Variants in ARMC3 observed in about 807,000 individuals in gnomAD.
ARMC3 encodes armadillo repeat-containing protein 3.
Under a neutral mutation model 90.3 loss-of-function variants are expected in ARMC3, and 74 were observed. The ratio of observed to expected loss-of-function variants is 0.82; its 90% confidence interval spans 0.68 to 0.99. The LOEUF is 0.99. Ranked by LOEUF, ARMC3 falls within the 50% of genes least tolerant of loss-of-function variation. The pLI, the probability that ARMC3 is intolerant of heterozygous loss-of-function variation, is 0.00. For synonymous variants in ARMC3, 334 were observed against 361.8 expected (o/e 0.92, Z 0.87); for missense variants, 958 against 1,042.8 (o/e 0.92, Z 1.12).
At chr10:22,991,398 C>A (rs181680135) in intron 10 of ARMC3, among the ~76,000 whole-genome samples, 28 of 152,230 alleles carry the variant, frequency 1.8e-4, no homozygotes, top group Admixed American at 1.7e-3. Context: ...TCATTTCACC[C>A]CAAAATACAG....
At chr10:22,980,926 T>G (rs12784160) in intron 8 of ARMC3, among the ~76,000 whole-genome samples, 2,052 of 152,322 alleles carry the variant, frequency 0.013, 19 homozygotes, top group Non-Finnish European at 0.02. Context: ...CTCACCAGTT[T>G]GCACATCTTA....
intron 10 of ARMC3, among the ~76,000 whole-genome samples, chr10:22,988,876 C>A (rs1028650606): frequency 6.6e-6 from 1 of 152,188 alleles, no homozygotes; most frequent in African/African-American, 2.4e-5. Flanking sequence ...TAGAGATAAT[C>A]CACAGTGATT....
intron 16 of ARMC3, among the ~76,000 whole-genome samples, chr10:23,022,295 T>C (rs1263536370): frequency 4.6e-5 from 7 of 152,232 alleles, no homozygotes; most frequent in Admixed American, 1.3e-4. Flanking sequence ...AAAAGCAACA[T>C]TTTTCTCTCT....
chr10:23,014,267 G>C, intron 16 of ARMC3: 1 of 1,478,380 alleles, frequency 6.8e-7, no homozygotes, highest in Middle Eastern at 1.8e-4. Flanking sequence ...TAAGAGGAGA[G>C]ATGGTGTCAG....
At chr10:22,986,354 C>T (rs1836438077) in intron 10 of ARMC3, among the ~76,000 whole-genome samples, 1 of 151,928 alleles carries the variant, frequency 6.6e-6, no homozygotes, top group South Asian at 2.1e-4. Flanking sequence ...GGGTTCGAGA[C>T]CAGCATGGCC....
chr10:22,975,155 G>A (rs1835863513), intron 8 of ARMC3, among the ~76,000 whole-genome samples: 1 of 152,116 alleles, frequency 6.6e-6, no homozygotes, highest in Admixed American at 6.5e-5. Flanking sequence ...ATAGTGATAT[G>A]CTTTGAGACC....
intron 14 of ARMC3, among the ~76,000 whole-genome samples, chr10:23,007,466 G>A (rs1837677701): frequency 6.6e-6 from 1 of 152,134 alleles, no homozygotes. Context: ...CCAACACTTT[G>A]GGAGCCGAGG....
intron 13 of ARMC3, among the ~76,000 whole-genome samples, chr10:23,005,584 G>T (rs1837561406): frequency 1.3e-5 from 2 of 152,198 alleles, no homozygotes; most frequent in African/African-American, 4.8e-5. Flanking sequence ...AGAGGCACTG[G>T]CTTGGTGCGG....
At chr10:23,009,023 G>T (rs554979708) in intron 16 of ARMC3, 92 bp downstream of exon 16, 3 of 998,584 alleles carry the variant, frequency 3.0e-6, no homozygotes, top group Non-Finnish European at 4.5e-6. Context: ...TGACATCAGG[G>T]TGTTGAACCA....
At chr10:22,979,712 G>A (rs1419777073) in intron 8 of ARMC3, among the ~76,000 whole-genome samples, 7 of 152,194 alleles carry the variant, frequency 4.6e-5, no homozygotes, top group African/African-American at 1.4e-4. Flanking sequence ...AATAAGAACC[G>A]TGTATATTTA....
chr10:22,973,945 A>G (rs899039377), intron 8 of ARMC3, among the ~76,000 whole-genome samples: 1 of 151,238 alleles, frequency 6.6e-6, no homozygotes, highest in African/African-American at 2.4e-5. Context: ...TTTTTAGTAA[A>G]GACGGGGTTT....
intron 14 of ARMC3, among the ~76,000 whole-genome samples, 157 bp downstream of exon 14, chr10:23,007,138 G>A (rs555657038): frequency 6.6e-6 from 1 of 152,214 alleles, no homozygotes; most frequent in Admixed American, 6.5e-5. Context: ...CTCATAGCCC[G>A]ACATGGAATA....
chr10:22,934,918 C>A (rs1834055759), intron 2 of ARMC3, among the ~76,000 whole-genome samples: 1 of 152,118 alleles, frequency 6.6e-6, no homozygotes, highest in Non-Finnish European at 1.5e-5. Flanking sequence ...GCATGGACGA[C>A]CAGCTGGCCA....
intron 17 of ARMC3, 122 bp downstream of exon 17, chr10:23,030,918 C>G: frequency 9.3e-7 from 1 of 1,073,658 alleles, no homozygotes; most frequent in South Asian, 1.9e-5. Flanking sequence ...CACTCTGACT[C>G]TGACACAGAA....
intron 16 of ARMC3, among the ~76,000 whole-genome samples, chr10:23,028,144 A>C (rs1272849064): frequency 3.9e-5 from 6 of 152,162 alleles, no homozygotes; most frequent in Admixed American, 3.9e-4. Flanking sequence ...CCCTGTCTCA[A>C]AAACAAACAA....
rs185251758 is a variant in ARMC3, at chr10:22,957,455, T to C, written c.292+1523T>C. ...GTGACTTTGAGAGCTCTGATGGTAGTTGTGCTGTAAGGCAGGGGCCTGGGA... is the reference window on the plus strand; with the variant it reads ...GTGACTTTGAGAGCTCTGATGGTAGCTGTGCTGTAAGGCAGGGGCCTGGGA... On this transcript the variant is annotated intron_variant, in intron 4 of 18. Coordinates refer to ENST00000298032, the MANE Select transcript of ARMC3 (RefSeq NM_173081.5). 1.1e-4 allele frequency among the ~76,000 whole-genome samples: 16 copies of C among 152,188 alleles called. No individual in the cohort carries two copies. In the East Asian group the frequency reaches 1.7e-3, roughly 17 times the overall value.
At position 22,999,871 on chromosome 10, in the gene ARMC3, G is replaced by A. The variant is rs193191580; in HGVS notation, c.1425+1474G>A. 2.4e-3 allele frequency among the ~76,000 whole-genome samples: 370 copies of A among 152,182 alleles called. 4 individuals are homozygous for A. The highest frequency in any genetic ancestry group is 7.9e-3 in the African/African-American group (326 of 41,512). The stretch of plus-strand genomic sequence containing the variant: ...ATTTGTGCTCACCCACTCAGGTAGC[G>A]GTAGGCACCAGATATGTATTTACCA... On this transcript the variant is annotated intron_variant, in intron 11 of 18. Coordinates refer to ENST00000298032, the MANE Select transcript of ARMC3 (RefSeq NM_173081.5).
chr10:22,970,125 G>A (rs1296483538), intron 8 of ARMC3, among the ~76,000 whole-genome samples: 1 of 152,270 alleles, frequency 6.6e-6, no homozygotes, highest in East Asian at 1.9e-4. Context: ...ATTAATGATG[G>A]AAACACAGGA....
chr10:23,007,057 A>C lies in ARMC3; in HGVS notation c.1829+76A>C. 2.5e-6 allele frequency: 3 copies of C among 1,209,622 alleles called. No individual in the cohort carries two copies. In the South Asian group the frequency reaches 4.4e-5, roughly 18 times the overall value. 74.9% of individuals were successfully genotyped at this position (1,209,622 alleles called of 1,614,324 possible). The stretch of plus-strand genomic sequence containing the variant: ...TTGTTGTTTCTCCACCAACGTGTGA[A>C]TATGCAAAGATTCCCAGACCCTTTT... On this transcript the variant is annotated intron_variant, in intron 14 of 18. Transcript: ENST00000298032.
Sources: gnomAD v4.1 joint callset for allele counts (sites outside exome capture counted in the v4.1 genomes callset) on GRCh38, gnomAD v4.1.1 for gene constraint, MANE v1.5 for transcripts, NCBI Gene and HGNC (gene_info 2026-07-23, HGNC 2026-07-21) for gene names.